The following TMEM108 variants were observed in gnomAD, a reference collection of about 807,000 sequenced individuals.
TMEM108 encodes the protein transmembrane protein 108.
TMEM108 carries 12 observed loss-of-function variants against 35.1 expected under a neutral mutation model. That is an observed-to-expected ratio of 0.34 (90% CI 0.22 to 0.55). The LOEUF (loss-of-function observed/expected upper bound fraction) is 0.55, where lower values mean the gene tolerates loss of function less well. Ranked by LOEUF, TMEM108 falls within the 20% of genes least tolerant of loss-of-function variation. The probability of loss-of-function intolerance (pLI) is 0.89; values close to 1 mark genes in which losing one functional copy is unlikely to be tolerated. For missense variants in TMEM108, 680 were observed against 753.3 expected, an observed-to-expected ratio of 0.90 and a Z score of 1.14; for synonymous variants, 287 against 308.6, an observed-to-expected ratio of 0.93 and a Z score of 0.73.
Position 133,345,374 on chromosome 3 carries a change from C to T in TMEM108, c.41-34378C>T, listed in dbSNP as rs114568547. Among the ~76,000 whole-genome samples, 946 of 151,670 alleles carry T rather than the reference C, an allele frequency of 6.2e-3. 13 individuals are homozygous for T. The highest frequency in any genetic ancestry group is 0.021 in the African/African-American group (887 of 41,434). ...TATTTGATAATTTTTAATATTTATT[C>T]CTTTAGGGGAATAAAAGCTCTCAAT... On this transcript the variant is annotated intron_variant, in intron 3 of 5. Transcript: ENST00000321871.
intron 3 of TMEM108, among the ~76,000 whole-genome samples, chr3:133,261,450 C>T (rs568184102): frequency 4.6e-5 from 7 of 152,290 alleles, no homozygotes; most frequent in South Asian, 2.1e-4. Context: ...AAGCAGACAT[C>T]GTCACTCTTC....
intron 2 of TMEM108, among the ~76,000 whole-genome samples, chr3:133,142,172 G>A (rs1314674016): frequency 6.6e-6 from 1 of 152,164 alleles, no homozygotes; most frequent in Non-Finnish European, 1.5e-5. Context: ...ATAAGCTTGT[G>A]TAAGATATGA....
intron 3 of TMEM108, among the ~76,000 whole-genome samples, chr3:133,372,626 T>C (rs899935754): frequency 1.3e-5 from 2 of 152,208 alleles, no homozygotes; most frequent in African/African-American, 4.8e-5. Context: ...GAGATTGTAC[T>C]CTGGGAAGCA....
intron 3 of TMEM108, among the ~76,000 whole-genome samples, chr3:133,279,357 A>T (rs954966053): frequency 1.3e-5 from 2 of 152,118 alleles, no homozygotes; most frequent in African/African-American, 4.8e-5. Flanking sequence ...CCTAGTTTTG[A>T]TGAGAAAGGA....
chr3:133,193,732 T>C (rs1945534735), intron 2 of TMEM108, among the ~76,000 whole-genome samples: 1 of 152,148 alleles, frequency 6.6e-6, no homozygotes, highest in East Asian at 1.9e-4. Context: ...TAGGTATACT[T>C]TCAGGTCTCT....
intron 2 of TMEM108, among the ~76,000 whole-genome samples, chr3:133,175,949 T>C (rs1483771773): frequency 1.2e-4 from 17 of 143,510 alleles, no homozygotes; most frequent in South Asian, 2.3e-4. Flanking sequence ...GAGACACACA[T>C]AGGCTCAAAA....
intron 2 of TMEM108, among the ~76,000 whole-genome samples, chr3:133,099,992 G>A (rs538024468): frequency 2.6e-4 from 40 of 152,192 alleles, no homozygotes; most frequent in African/African-American, 8.7e-4. Flanking sequence ...CTAATTTATG[G>A]TATTAGTTCA....
chr3:133,312,309 T>C (rs2071140328), intron 3 of TMEM108, among the ~76,000 whole-genome samples: 2 of 152,248 alleles, frequency 1.3e-5, no homozygotes, highest in South Asian at 2.1e-4. Context: ...GTTTCTGCTG[T>C]CTTTTGTTCA....
intron 3 of TMEM108, among the ~76,000 whole-genome samples, chr3:133,279,152 G>A (rs1479997286): frequency 6.6e-5 from 10 of 152,182 alleles, no homozygotes; most frequent in Admixed American, 6.5e-4. Flanking sequence ...AACACCCTGT[G>A]TCAAAGTAAG....
rs138861847 is a variant in TMEM108 at position 133,387,796 on chromosome 3, C to A, written c.1451-2384C>A. The A allele has an allele frequency of 3.1e-6, 3 of 969,732 alleles. No individual in the cohort carries two copies. The African/African-American group carries it at 5.3e-5, about 17-fold the overall frequency. The allele number at this position is 969,732 out of a possible 1,614,324, so 60.1% of individuals were successfully genotyped here. ...GGTTAAGTAACTTACTCAAGTCATG[C>A]AAGTAATAGATTGTCACCTAGATTC... On this transcript the variant is annotated intron_variant, in intron 4 of 5. Transcript: ENST00000321871.
chr3:133,242,343 C>T (rs1487622537), intron 3 of TMEM108, among the ~76,000 whole-genome samples: 3 of 152,134 alleles, frequency 2.0e-5, no homozygotes, highest in African/African-American at 7.2e-5. Context: ...AGAAAAGGTG[C>T]TCAGTAAGTG....
At chr3:133,228,425 A>C (rs1946105987) in intron 2 of TMEM108, among the ~76,000 whole-genome samples, 1 of 152,162 alleles carries the variant, frequency 6.6e-6, no homozygotes, top group African/African-American at 2.4e-5. Flanking sequence ...TGATTATTCT[A>C]ATATACTAGT....
intron 3 of TMEM108, chr3:133,247,583 A>G (rs1016601560): frequency 6.6e-6 from 1 of 152,020 alleles, no homozygotes; most frequent in Non-Finnish European, 1.5e-5. Flanking sequence ...AAATTTTGAA[A>G]TCACCAAAAG....
At chr3:133,104,493 G>C (rs1464267766) in intron 2 of TMEM108, among the ~76,000 whole-genome samples, 1 of 152,090 alleles carries the variant, frequency 6.6e-6, no homozygotes, top group Non-Finnish European at 1.5e-5. Context: ...TAAATTCTCA[G>C]TTGATTTTGG....
chr3:133,316,411 T>C (rs1344109021), intron 3 of TMEM108, among the ~76,000 whole-genome samples: 1 of 152,126 alleles, frequency 6.6e-6, no homozygotes, highest in Non-Finnish European at 1.5e-5. Context: ...GTTGTAAGGG[T>C]ATACACTGAA....
intron 2 of TMEM108, among the ~76,000 whole-genome samples, chr3:133,173,428 ATC>A (rs1945160224): frequency 6.6e-6 from 1 of 152,198 alleles, no homozygotes. Flanking sequence ...AATTAACACT[ATC>A]TGTTCATCTG....
chr3:133,390,616 C>CTGTT (rs1576546463), intron 5 of TMEM108, among the ~76,000 whole-genome samples: 2 of 152,168 alleles, frequency 1.3e-5, no homozygotes, highest in African/African-American at 4.8e-5. Context: ...CAGTGAGGAC[C>CTGTT]TGTTTTGTGC....
intron 3 of TMEM108, among the ~76,000 whole-genome samples, chr3:133,354,703 C>T (rs1482335424): frequency 1.3e-5 from 2 of 152,054 alleles, no homozygotes; most frequent in African/African-American, 4.8e-5. Context: ...TTAAACAGAA[C>T]CCAGCAAGCC....
intron 3 of TMEM108, among the ~76,000 whole-genome samples, chr3:133,298,146 T>A (rs1183540923): frequency 2.0e-5 from 3 of 152,154 alleles, no homozygotes; most frequent in Non-Finnish European, 4.4e-5. Context: ...ACTGTCTTCC[T>A]GGCTTCTGGC....
Sources: allele counts gnomAD v4.1 joint callset (sites outside exome capture counted in the v4.1 genomes callset), GRCh38; gene constraint gnomAD v4.1.1; transcripts MANE v1.5; gene names NCBI Gene and HGNC (gene_info 2026-07-23, HGNC 2026-07-21).